Variants in CEP164 observed in about 807,000 individuals in gnomAD.
CEP164 encodes the protein centrosomal protein of 164 kDa.
In CEP164, 162 loss-of-function variants were observed where a neutral mutation model predicts 182.7. The observed-to-expected ratio is 0.89, with a 90% CI of 0.78 to 1.01. The LOEUF (loss-of-function observed/expected upper bound fraction) is 1.01. Ranked by LOEUF, CEP164 falls within the 50% of genes least tolerant of loss-of-function variation. CEP164 has a pLI of 0.00. For missense variants in CEP164, 1,735 were observed against 1,790.4 expected (o/e 0.97, Z 0.56); for synonymous variants, 661 against 690.0 (o/e 0.96, Z 0.66).
At chr11:117,410,984 A>C in intron 31 of CEP164, 90 bp downstream of exon 31, 2 of 1,193,850 alleles carry the variant, frequency 1.7e-6, no homozygotes, top group Non-Finnish European at 2.4e-6. Context: ...TGAGGGGAGC[A>C]GACCTCCTGG....
At chr11:117,396,310 G>T in intron 25 of CEP164, 130 bp downstream of exon 25, 1 of 1,112,534 alleles carries the variant, frequency 9.0e-7, no homozygotes, top group Non-Finnish European at 1.3e-6. Context: ...AGGAGGGGAG[G>T]AGTATAAGGT....
intron 26 of CEP164, 144 bp from the exon 27 acceptor site, chr11:117,396,947 G>A: frequency 1.4e-6 from 1 of 727,992 alleles, no homozygotes; most frequent in Non-Finnish European, 2.2e-6. Context: ...TTGAACAGTG[G>A]CATCCCTGCA....
chr11:117,381,849 C>A lies in CEP164; in HGVS notation c.1558C>A (p.Leu520Met). The A allele has an allele frequency of 6.6e-7, 1 of 1,518,266 alleles. No homozygotes were observed. Among genetic ancestry groups the A allele is most frequent in the Non-Finnish European group, 8.8e-7 (1 of 1,132,072 alleles). The allele number at this position is 1,518,266 out of a possible 1,614,324, so 94.0% of individuals were successfully genotyped here. The change falls in exon 13 of 33, where the codon CTG becomes ATG. Residue 520 changes from leucine to methionine, a missense_variant. By Grantham distance (15) the Leu-to-Met change is conservative (BLOSUM62 2). Coordinates refer to ENST00000278935, the MANE Select transcript of CEP164 (RefSeq NM_014956.5). Reference protein sequence around the residue: ...LGEDSAASLSLQLSLQREQAP... With the variant: ...LGEDSAASLSMQLSLQREQAP... ...GGAGGACTCTGCAGCCAGCCTCAGC[C>A]TGCAGCTGTCCCTCCAGAGGTAAGG... is the stretch of plus-strand genomic sequence containing the variant.
At chr11:117,368,621 G>C (rs956762656) in intron 8 of CEP164, among the ~76,000 whole-genome samples, 1 of 152,180 alleles carries the variant, frequency 6.6e-6, no homozygotes, top group Non-Finnish European at 1.5e-5. Flanking sequence ...TGCTTGCCGA[G>C]TGAGGGGGTG....
intron 14 of CEP164, among the ~76,000 whole-genome samples, chr11:117,383,198 G>T (rs1241501267): frequency 6.6e-6 from 1 of 152,142 alleles, no homozygotes; most frequent in Admixed American, 6.5e-5. Flanking sequence ...AGATGAGGGG[G>T]TACCTCCTGG....
At position 117,411,614 on chromosome 11, in the gene CEP164, T is replaced by G; in HGVS notation, c.4164-181T>G. 2.6e-6 allele frequency: 2 copies of G among 771,648 alleles called. No homozygotes were observed. The highest frequency in any genetic ancestry group is 4.0e-6 in the Non-Finnish European group (2 of 504,624). The allele number at this position is 771,648 out of a possible 1,614,324, so 47.8% of individuals were successfully genotyped here. A position where few individuals can be genotyped will look rare whatever the true frequency, so the allele number is the denominator to read the frequency against. ...GCAGAGGGCCTCCACCACTTTCCCG[T>G]TTGGGAACTGTTCTGGAGGGGCAGA... is the stretch of plus-strand genomic sequence containing the variant. On this transcript the variant is annotated intron_variant, in intron 31 of 32. Coordinates refer to ENST00000278935, the MANE Select transcript of CEP164 (RefSeq NM_014956.5). This position sits in a 1 kb window ranked among gnomAD's most constrained non-coding sequence, Gnocchi z 4.4.
intron 30 of CEP164, chr11:117,410,374 A>T (rs953011243): frequency 9.0e-5 from 27 of 300,976 alleles, no homozygotes; most frequent in African/African-American, 5.4e-4. Context: ...TGAGGTAGTA[A>T]TTATTTATCC....
At chr11:117,347,442 G>A (rs2039043277) in intron 4 of CEP164, among the ~76,000 whole-genome samples, 1 of 151,958 alleles carries the variant, frequency 6.6e-6, no homozygotes, top group Non-Finnish European at 1.5e-5. Context: ...TGGGCACGGT[G>A]GCTCATGCCT....
At chr11:117,396,477 G>T (rs956298084) in intron 25 of CEP164, 73 bp from the exon 26 acceptor site, 34 of 1,228,248 alleles carry the variant, frequency 2.8e-5, no homozygotes, top group Non-Finnish European at 3.7e-5. Flanking sequence ...ACTGGGAGGG[G>T]CTTTGGGGTC....
At position 117,361,931 on chromosome 11, in the gene CEP164, T is replaced by C. The variant is rs779722076; in HGVS notation, c.490T>C (p.Ser164Pro). ...TACCCCACCCTCTGCTCTTCGTGGA[T>C]CTCAAAGCGTGAGCCTGGGGAGCTC... ...VDTPPSALRG[S>P]QSVSLGSSVE... is the part of the protein sequence containing the mutation. Residue 164 changes from serine (S) to proline (P), a missense_variant, in exon 6 of 33, where the codon TCT becomes CCT. Physicochemically the swap from Ser to Pro is moderately conservative, Grantham distance 74. Coordinates refer to ENST00000278935, the MANE Select transcript of CEP164 (RefSeq NM_014956.5). 2 of 1,610,254 alleles carry C rather than the reference T, an allele frequency of 1.2e-6. No homozygotes were observed. The highest frequency in any genetic ancestry group is 1.7e-6 in the Non-Finnish European group (2 of 1,179,086).
chr11:117,397,015 C>T (rs2045566105), intron 26 of CEP164, 76 bp from the exon 27 acceptor site: 5 of 1,357,862 alleles, frequency 3.7e-6, no homozygotes, highest in South Asian at 1.4e-5. Context: ...TTGGCATCTG[C>T]TGGGGAAGGG....
rs751949888 is a variant in CEP164, at chr11:117,387,396, A to G, written c.1918A>G (p.Lys640Glu). Residue 640 changes from lysine (K) to glutamate (E), a missense_variant, in exon 15 of 33, where the codon AAA becomes GAA. By Grantham distance (56) the Lys-to-Glu change is moderately conservative. Transcript: ENST00000278935. ...GGAGATCCTCCGGCTTCACCAGCAG[A>G]AAGAGCAATCTCTCAGGTCCTGCCC... ...EEEILRLHQQKEQSLSSLRER... is the reference protein window; with the variant it reads ...EEEILRLHQQEEQSLSSLRER... The G allele has an allele frequency of 6.2e-7, 1 of 1,614,136 alleles. No individual in the cohort carries two copies. Among genetic ancestry groups the G allele is most frequent in the Admixed American group, 1.7e-5 (1 of 60,032 alleles).
At chr11:117,346,911 CCTT>C (rs1295879552) in intron 4 of CEP164, among the ~76,000 whole-genome samples, 4 of 151,916 alleles carry the variant, frequency 2.6e-5, no homozygotes, top group Middle Eastern at 3.4e-3. Flanking sequence ...TATATTTTAC[CCTT>C]CTTCTTCTTT....
At chr11:117,393,540 G>A (rs506366) in intron 20 of CEP164, among the ~76,000 whole-genome samples, 5,771 of 152,150 alleles carry the variant, frequency 0.038, 189 homozygotes, top group Non-Finnish European at 0.058. Context: ...TACTATCATT[G>A]TCTCCATTTT....
chr11:117,349,186 G>A (rs549781857), intron 4 of CEP164, among the ~76,000 whole-genome samples: 1 of 151,850 alleles, frequency 6.6e-6, no homozygotes, highest in Non-Finnish European at 1.5e-5. Context: ...CCATGCCCGG[G>A]TAATTTTTGT....
At chr11:117,389,988 G>C (rs978190709) in intron 15 of CEP164, among the ~76,000 whole-genome samples, 2 of 143,186 alleles carry the variant, frequency 1.4e-5, no homozygotes, top group Non-Finnish European at 3.0e-5. Context: ...TGTTGCCCAG[G>C]TTGGAGTGCT....
chr11:117,409,999 G>A lies in CEP164; in HGVS notation c.4096+34G>A, dbSNP rs772485745. Reference sequence around the variant, plus strand: ...CACTCTGGGCGGAGCCTTCCCACCTGCCTCCTCCTCCTCCTCTTCCTTCCT... The same window carrying A: ...CACTCTGGGCGGAGCCTTCCCACCTACCTCCTCCTCCTCCTCTTCCTTCCT... On this transcript the variant is annotated intron_variant, in intron 30 of 32. Transcript: ENST00000278935. The surrounding 1 kb of genome is among the most constrained non-coding windows in gnomAD (Gnocchi z 4.4). 2.9e-5 allele frequency: 45 copies of A among 1,573,056 alleles called. No individual in the cohort carries two copies. In the South Asian group the frequency reaches 3.8e-4, roughly 13 times the overall value.
At chr11:117,354,505 G>A (rs140876291) in intron 5 of CEP164, among the ~76,000 whole-genome samples, 33 of 152,304 alleles carry the variant, frequency 2.2e-4, no homozygotes, top group African/African-American at 7.9e-4. Context: ...ACTTGGCAGT[G>A]TGGGTCTTTG....
chr11:117,411,882 G>GAGGTGGC lies in CEP164; in HGVS notation c.4252_4258dup (p.Leu1420GlnfsTer9). On this transcript the variant is annotated frameshift_variant, in exon 32 of 33. Transcript: ENST00000278935. LOFTEE classifies it low-confidence loss of function (END_TRUNC). This position sits in a 1 kb window ranked among gnomAD's most constrained non-coding sequence, Gnocchi z 4.4. ...TTCAGGGCATAATTGAGGCCAACCG[G>GAGGTGGC]AGGTGGCTGGAACGTGTCAAGAATG... 6.2e-7 allele frequency: 1 copy of GAGGTGGC among 1,614,152 alleles called. No homozygotes were observed. Among genetic ancestry groups the GAGGTGGC allele is most frequent in the African/African-American group, 1.3e-5 (1 of 75,054 alleles).
Sources: gnomAD v4.1 joint callset for allele counts (sites outside exome capture counted in the v4.1 genomes callset) on GRCh38, gnomAD v4.1.1 for gene constraint, Gnocchi (gnomAD v3.1) non-coding constraint, MANE v1.5 for transcripts, NCBI Gene and HGNC (gene_info 2026-07-23, HGNC 2026-07-21) for gene names.